The following GRIK4 variants were observed in gnomAD, a reference collection of about 807,000 sequenced individuals.
The protein encoded by GRIK4 is glutamate receptor ionotropic, kainate 4.
In GRIK4, 40 loss-of-function variants were observed where a neutral mutation model predicts 104.9. The ratio of observed to expected loss-of-function variants is 0.38; its 90% CI spans 0.30 to 0.50. GRIK4 has a LOEUF of 0.50. GRIK4 is among the 20% of genes least tolerant of loss of function. The probability of loss-of-function intolerance (pLI) is 0.93; values close to 1 mark genes in which losing one functional copy is unlikely to be tolerated. For missense variants in GRIK4, 1,047 were observed against 1,308.1 expected (o/e 0.80, Z 3.08); for synonymous variants, 485 against 524.9 (o/e 0.92, Z 1.04).
intron 1 of GRIK4, among the ~76,000 whole-genome samples, chr11:120,576,880 C>T (rs577253942): frequency 6.6e-6 from 1 of 152,326 alleles, no homozygotes; most frequent in South Asian, 2.1e-4. Flanking sequence ...CTCCAGCCTT[C>T]TGGTTAAGGT....
chr11:120,857,502 GCACACACACA>G lies in GRIK4; in HGVS notation c.745-4437_745-4428del, dbSNP rs60629273. 5.2e-4 allele frequency among the ~76,000 whole-genome samples: 78 copies of G among 150,200 alleles called. No homozygotes were observed. The East Asian group carries it at 6.3e-3, about 12-fold the overall frequency. ...GATTTGCACACATGTATGCACACAT[GCACACACACA>G]CACACACACACACACACACTTTTAA... On this transcript the variant is annotated intron_variant, in intron 8 of 20. Coordinates refer to ENST00000527524, the MANE Select transcript of GRIK4 (RefSeq NM_014619.5).
intron 5 of GRIK4, among the ~76,000 whole-genome samples, chr11:120,816,228 C>G (rs1952954379): frequency 6.6e-6 from 1 of 152,198 alleles, no homozygotes; most frequent in African/African-American, 2.4e-5. Flanking sequence ...GAGATTCTGT[C>G]TAGTCCTGGC....
chr11:120,582,464 C>A (rs1948599178), intron 1 of GRIK4, among the ~76,000 whole-genome samples: 1 of 152,100 alleles, frequency 6.6e-6, no homozygotes, highest in African/African-American at 2.4e-5. Flanking sequence ...CCTCCTCTCA[C>A]CCCCTGCCCT....
chr11:120,707,379 G>T (rs899934655), intron 3 of GRIK4, among the ~76,000 whole-genome samples: 10 of 152,206 alleles, frequency 6.6e-5, no homozygotes, highest in African/African-American at 2.4e-4. Flanking sequence ...GCACCTGCCA[G>T]TGCGGGTAAA....
intron 20 of GRIK4, 88 bp downstream of exon 20, chr11:120,982,312 T>G: frequency 1.3e-6 from 1 of 770,258 alleles, no homozygotes; most frequent in Non-Finnish European, 2.3e-6. Flanking sequence ...TTTCAGACGC[T>G]TACCACAGGA....
chr11:120,595,564 G>A (rs77855610), intron 1 of GRIK4, among the ~76,000 whole-genome samples: 6,072 of 152,252 alleles, frequency 0.04, 415 homozygotes, highest in African/African-American at 0.14. Context: ...CTTATCCTCT[G>A]CTGCTTGATG....
chr11:120,601,657 T>A (rs1948889218), intron 1 of GRIK4, among the ~76,000 whole-genome samples: 1 of 149,916 alleles, frequency 6.7e-6, no homozygotes, highest in Non-Finnish European at 1.5e-5. Flanking sequence ...GTTTTTTTTT[T>A]TTTTTTTTTA....
chr11:120,754,352 CT>C (rs1054801397), intron 3 of GRIK4, among the ~76,000 whole-genome samples: 3 of 152,170 alleles, frequency 2.0e-5, no homozygotes, highest in African/African-American at 7.2e-5. Context: ...AATGTGTGGC[CT>C]TTTGTGTCTG....
At chr11:120,681,806 C>A (rs956335703) in intron 3 of GRIK4, among the ~76,000 whole-genome samples, 2 of 152,206 alleles carry the variant, frequency 1.3e-5, no homozygotes, top group Non-Finnish European at 2.9e-5. Flanking sequence ...ATGGACAGAG[C>A]CCTGTTGAAG....
At chr11:120,584,018 C>T (rs1003861823) in intron 1 of GRIK4, among the ~76,000 whole-genome samples, 4 of 152,084 alleles carry the variant, frequency 2.6e-5, no homozygotes, top group African/African-American at 7.2e-5. Flanking sequence ...TCATCTTGGA[C>T]GTTGTTGGTG....
intron 18 of GRIK4, among the ~76,000 whole-genome samples, chr11:120,965,360 A>G (rs1485372926): frequency 6.6e-6 from 1 of 152,204 alleles, no homozygotes; most frequent in Admixed American, 6.5e-5. Context: ...TAGTCTCACC[A>G]CCTAACAACA....
At chr11:120,872,790 C>A in intron 9 of GRIK4, 1 of 181,778 alleles carries the variant, frequency 5.5e-6, no homozygotes, top group Non-Finnish European at 1.2e-5. Flanking sequence ...CCAGGGACCC[C>A]GCATACATTA....
At chr11:120,855,619 C>T (rs1161494272) in intron 8 of GRIK4, among the ~76,000 whole-genome samples, 1 of 150,390 alleles carries the variant, frequency 6.6e-6, no homozygotes, top group Non-Finnish European at 1.5e-5. Context: ...AGTGCAGTGG[C>T]ACCATCTTGG....
At chr11:120,686,161 C>T (rs1444131359) in intron 3 of GRIK4, among the ~76,000 whole-genome samples, 1 of 150,616 alleles carries the variant, frequency 6.6e-6, no homozygotes, top group Admixed American at 6.6e-5. Context: ...ATGTTAGTTT[C>T]TTAAAAAAAA....
At chr11:120,817,431 T>G (rs1311344592) in intron 5 of GRIK4, among the ~76,000 whole-genome samples, 2 of 152,172 alleles carry the variant, frequency 1.3e-5, no homozygotes, top group Non-Finnish European at 2.9e-5. Context: ...TCTGCTCAGA[T>G]TATGCATTTA....
intron 3 of GRIK4, among the ~76,000 whole-genome samples, chr11:120,718,137 T>C (rs1233310041): frequency 6.6e-6 from 1 of 152,074 alleles, no homozygotes; most frequent in Non-Finnish European, 1.5e-5. Flanking sequence ...CCTGCCATCT[T>C]CCCTCTCTTC....
chr11:120,959,372 T>A lies in GRIK4; in HGVS notation c.1875-1537T>A, dbSNP rs942524195. ...GGAGGCAGCCAGCAAGTGTTCTTGG[T>A]CACAATGGCAAAAGGGGCAATGGGA... is the stretch of plus-strand genomic sequence containing the variant. On this transcript the variant is annotated intron_variant, in intron 16 of 20. Coordinates refer to ENST00000527524, the MANE Select transcript of GRIK4 (RefSeq NM_014619.5). Among the ~76,000 whole-genome samples, 5 of 152,188 alleles carry A rather than the reference T, an allele frequency of 3.3e-5. No individual in the cohort carries two copies. The East Asian group carries it at 5.8e-4, about 18-fold the overall frequency.
At chr11:120,789,417 G>T (rs1227711396) in intron 3 of GRIK4, among the ~76,000 whole-genome samples, 1 of 151,904 alleles carries the variant, frequency 6.6e-6, no homozygotes. Flanking sequence ...GATTCTGCCC[G>T]GTTTATCTCA....
At chr11:120,861,093 CTTTTTTTTTT>C (rs547199127) in intron 8 of GRIK4, among the ~76,000 whole-genome samples, 12 of 86,564 alleles carry the variant, frequency 1.4e-4, no homozygotes, top group South Asian at 4.1e-4. Flanking sequence ...AAATCATCCT[CTTTTTTTTTT>C]TTTTTTTTTT....
Sources: allele counts gnomAD v4.1 joint callset (sites outside exome capture counted in the v4.1 genomes callset), GRCh38; gene constraint gnomAD v4.1.1; transcripts MANE v1.5; gene names NCBI Gene and HGNC (gene_info 2026-07-23, HGNC 2026-07-21).